ARHGAP20: variants seen among roughly 807,000 people sequenced by gnomAD.
The protein encoded by ARHGAP20 is Rho GTPase activating protein 20, also known as rho GTPase-activating protein 20.
Under a neutral mutation model 73.7 loss-of-function variants are expected in ARHGAP20, and 34 were observed. The observed-to-expected ratio is 0.46, with a 90% CI of 0.35 to 0.61. The LOEUF is 0.61. Ranked by LOEUF, ARHGAP20 falls within the 20% of genes least tolerant of loss-of-function variation. ARHGAP20 has a pLI of 0.00. For missense variants in ARHGAP20, 1,314 were observed against 1,420.9 expected (o/e 0.92, Z 1.21); for synonymous variants, 523 against 518.2 (o/e 1.01, Z -0.13).
At chr11:110,614,258 T>C (rs1272838675) in intron 6 of ARHGAP20, among the ~76,000 whole-genome samples, 1 of 152,196 alleles carries the variant, frequency 6.6e-6, no homozygotes, top group Non-Finnish European at 1.5e-5. Context: ...CAGAGAAATA[T>C]TCATGCCAGA....
At chr11:110,606,534 C>T (rs372166449) in intron 9 of ARHGAP20, 27 bp downstream of exon 9, 160 of 1,591,184 alleles carry the variant, frequency 1.0e-4, no homozygotes, top group East Asian at 1.6e-4. Context: ...TGTTCAAGAA[C>T]GAAAACTTTT....
intron 2 of ARHGAP20, among the ~76,000 whole-genome samples, chr11:110,655,394 G>A (rs1949443330): frequency 6.6e-6 from 1 of 152,118 alleles, no homozygotes; most frequent in Non-Finnish European, 1.5e-5. Context: ...AGTAAAATCT[G>A]GAGAGAGGAA....
Position 110,590,814 on chromosome 11 carries a change from G to A in ARHGAP20, c.1144-5C>T, listed in dbSNP as rs752266187. On this transcript the variant is annotated splice_region_variant and splice_polypyrimidine_tract_variant and intron_variant, in intron 10 of 14. Transcript: ENST00000683387. ...ATTAAGAAAGAAAAGCATATCCTAT[G>A]GGGAAGCAAAGGAAAATAAACAAAA... 6.2e-7 allele frequency: 1 copy of A among 1,610,046 alleles called. No homozygotes were observed. The highest frequency in any genetic ancestry group is 1.1e-5 in the South Asian group (1 of 90,484).
At chr11:110,689,728 C>T (rs1476279519) in intron 2 of ARHGAP20, among the ~76,000 whole-genome samples, 2 of 152,000 alleles carry the variant, frequency 1.3e-5, no homozygotes, top group Admixed American at 1.3e-4. Flanking sequence ...ATTAATTGGT[C>T]ACAGCTGGCA....
In ARHGAP20 at chr11:110,592,058, T is replaced by C. The variant is rs748744581; in HGVS notation, c.1062A>G (p.Pro354=). 4 of 1,614,180 alleles carry C rather than the reference T, an allele frequency of 2.5e-6. No homozygotes were observed. The Admixed American group carries it at 6.7e-5, about 27-fold the overall frequency. ...AGAGCTGTCCTGGCATAGGTGATGT[T>C]GGCGATGAGGGCAAGTTGTCCAGGT... The part of the protein sequence containing the change: ...STHLDNLPSS[P]TSPMPGQLFG... The change falls in exon 10 of 15, where the codon CCA becomes CCG. Residue 354 remains proline (P), a synonymous_variant. Coordinates refer to ENST00000683387, the MANE Select transcript of ARHGAP20 (RefSeq NM_001384657.1).
intron 2 of ARHGAP20, among the ~76,000 whole-genome samples, chr11:110,672,073 G>A (rs1487542871): frequency 1.3e-5 from 2 of 151,982 alleles, no homozygotes; most frequent in Non-Finnish European, 2.9e-5. Context: ...AAGAACACAG[G>A]ATAACATCTT....
Position 110,642,230 on chromosome 11 carries a change from C to T in ARHGAP20, c.189-11438G>A, listed in dbSNP as rs117154649. Among the ~76,000 whole-genome samples the T allele has an allele frequency of 1.5e-3, 223 of 152,146 alleles. No individual in the cohort carries two copies. The East Asian group carries it at 0.018, about 12-fold the overall frequency. ...TTTTCTAGGTAGAGAATCATATCGT[C>T]GGTGAAGAGAGATAGTTTGACGTCT... On this transcript the variant is annotated intron_variant, in intron 2 of 14. Coordinates refer to ENST00000683387, the MANE Select transcript of ARHGAP20 (RefSeq NM_001384657.1).
At chr11:110,659,505 T>TAG (rs1378131252) in intron 2 of ARHGAP20, among the ~76,000 whole-genome samples, 1 of 152,016 alleles carries the variant, frequency 6.6e-6, no homozygotes, top group Admixed American at 6.6e-5. Context: ...TCCCATTCTG[T>TAG]AGGTTGCCTG....
intron 1 of ARHGAP20, among the ~76,000 whole-genome samples, chr11:110,707,715 T>C (rs568463479): frequency 1.2e-4 from 18 of 152,232 alleles, no homozygotes; most frequent in African/African-American, 4.3e-4. Context: ...CATGGTCTTT[T>C]TAAGCCATAA....
chr11:110,596,833 C>A, intron 9 of ARHGAP20, among the ~76,000 whole-genome samples: 1 of 152,142 alleles, frequency 6.6e-6, no homozygotes. Flanking sequence ...TATAAAGACA[C>A]ATGCACATGT....
chr11:110,590,665 T>C lies in ARHGAP20; in HGVS notation c.1288A>G (p.Ile430Val), dbSNP rs1947802707. The stretch of plus-strand genomic sequence containing the variant: ...CTTCTTACCTTTAAGACAGATGCTA[T>C]CACAAAAATAGATTCACAGTCTAGG... Reference protein sequence around the residue: ...VHLDCESIFVIASVLKDFLRN... With the variant: ...VHLDCESIFVVASVLKDFLRN... The change falls in exon 11 of 15, where the codon ATA becomes GTA. Residue 430 changes from isoleucine to valine, a missense_variant. Physicochemically the swap from Ile to Val is conservative, Grantham distance 29 (BLOSUM62 3). Coordinates refer to ENST00000683387, the MANE Select transcript of ARHGAP20 (RefSeq NM_001384657.1). 17 of 1,613,858 alleles carry C rather than the reference T, an allele frequency of 1.1e-5. No homozygotes were observed. Among genetic ancestry groups the C allele is most frequent in the Non-Finnish European group, 1.4e-5 (16 of 1,179,882 alleles).
chr11:110,669,033 T>C (rs1555099527), intron 2 of ARHGAP20, among the ~76,000 whole-genome samples: 1 of 151,684 alleles, frequency 6.6e-6, no homozygotes, highest in Non-Finnish European at 1.5e-5. Context: ...AAAGAAAACA[T>C]AGAAGGAAAT....
At chr11:110,713,091 G>A (rs1179332745), upstream of ARHGAP20, 1 of 152,294 alleles carries the variant, frequency 6.6e-6, no homozygotes, top group Non-Finnish European at 1.5e-5. Context: ...CTGTCTGCAG[G>A]CTGCAGAGAC....
At chr11:110,655,719 C>G (rs973293407) in intron 2 of ARHGAP20, among the ~76,000 whole-genome samples, 3 of 152,046 alleles carry the variant, frequency 2.0e-5, no homozygotes, top group African/African-American at 7.2e-5. Flanking sequence ...TCTCTGATCT[C>G]TCACTCTTTA....
intron 1 of ARHGAP20, among the ~76,000 whole-genome samples, chr11:110,701,433 GT>G (rs1950450408): frequency 6.6e-6 from 1 of 151,558 alleles, no homozygotes; most frequent in South Asian, 2.1e-4. Flanking sequence ...TGATGGGGTT[GT>G]TTTTTTCTTG....
intron 2 of ARHGAP20, among the ~76,000 whole-genome samples, chr11:110,668,871 G>A (rs1949774800): frequency 6.6e-6 from 1 of 152,134 alleles, no homozygotes; most frequent in African/African-American, 2.4e-5. Flanking sequence ...AATTAAAAGG[G>A]AAAGGATAAT....
chr11:110,655,890 C>T (rs537503356), intron 2 of ARHGAP20, among the ~76,000 whole-genome samples: 39 of 152,148 alleles, frequency 2.6e-4, no homozygotes, highest in Non-Finnish European at 5.3e-4. Flanking sequence ...TAATAGGTGT[C>T]TAAGATCAGG....
chr11:110,644,831 A>G (rs1949152391), intron 2 of ARHGAP20, among the ~76,000 whole-genome samples: 1 of 152,192 alleles, frequency 6.6e-6, no homozygotes, highest in Non-Finnish European at 1.5e-5. Flanking sequence ...GGCAAGAGAA[A>G]CAATCAAAGG....
intron 9 of ARHGAP20, among the ~76,000 whole-genome samples, chr11:110,600,084 C>A (rs1033131419): frequency 9.2e-5 from 14 of 152,216 alleles, no homozygotes; most frequent in African/African-American, 3.4e-4. Context: ...TCTTGCTAAC[C>A]CTTCACTTGT....
Sources: allele counts gnomAD v4.1 joint callset (sites outside exome capture counted in the v4.1 genomes callset), GRCh38; gene constraint gnomAD v4.1.1; transcripts MANE v1.5; gene names NCBI Gene and HGNC (gene_info 2026-07-23, HGNC 2026-07-21).